The following ZNF609 variants were observed in gnomAD, a reference collection of about 807,000 sequenced individuals.
The protein encoded by ZNF609 is zinc finger protein 609.
Under a neutral mutation model 109.5 loss-of-function variants are expected in ZNF609, and 11 were observed. The observed-to-expected ratio is 0.10, with a 90% CI of 0.06 to 0.17. The LOEUF (loss-of-function observed/expected upper bound fraction) is 0.17. Among genes scored for constraint, ZNF609 ranks in the 10% least tolerant of loss-of-function variants. The pLI, the probability that ZNF609 is intolerant of heterozygous loss-of-function variation, is 1.00. For synonymous variants in ZNF609, 646 were observed against 662.0 expected (o/e 0.98, Z 0.37); for missense variants, 1,559 against 1,772.4 (o/e 0.88, Z 2.16).
chr15:64,674,206 A>G lies in ZNF609; in HGVS notation c.1352A>G (p.Asn451Ser). Residue 451 changes from asparagine (N) to serine (S), a missense_variant, in exon 5 of 10, where the codon AAT becomes AGT. This residue lies in a region of ZNF609 where 1,204 missense variants were observed against 1,314.1 expected (regional missense o/e 0.92). Coordinates refer to ENST00000326648, the MANE Select transcript of ZNF609 (RefSeq NM_015042.2). ...AAACCCCTTTCAGACATGGAGCTGA[A>G]TTCTAGCTCAGAGGACTCCAAAGGG... ...KNKPLSDMEL[N>S]SSSEDSKGSK... The G allele has an allele frequency of 6.2e-7, 1 of 1,614,204 alleles. No individual in the cohort carries two copies. The highest frequency in any genetic ancestry group is 8.5e-7 in the Non-Finnish European group (1 of 1,180,038).
chr15:64,648,257 A>G (rs1444436987), intron 3 of ZNF609, among the ~76,000 whole-genome samples: 1 of 152,218 alleles, frequency 6.6e-6, no homozygotes, highest in Non-Finnish European at 1.5e-5. Flanking sequence ...GAGGCCAGAC[A>G]GGAGGATCGC....
chr15:64,482,281 G>A (rs977468153), intron 1 of ZNF609, among the ~76,000 whole-genome samples: 7 of 152,076 alleles, frequency 4.6e-5, no homozygotes, highest in Non-Finnish European at 2.9e-5. Context: ...TTTCTGATTG[G>A]AACGTGAATA....
chr15:64,607,895 C>CTTT (rs71133457), intron 2 of ZNF609, among the ~76,000 whole-genome samples: 12 of 12,260 alleles, frequency 9.8e-4, no homozygotes, highest in Non-Finnish European at 1.8e-3. Flanking sequence ...TCTTTTCTTT[C>CTTT]TTTTTTTTTT....
In ZNF609 at chr15:64,674,507, A is replaced by C. The variant is rs765653246; in HGVS notation, c.1653A>C (p.Ala551=). The C allele has an allele frequency of 6.2e-7, 1 of 1,614,020 alleles. No homozygotes were observed. Among genetic ancestry groups the C allele is most frequent in the Non-Finnish European group, 8.5e-7 (1 of 1,180,022 alleles). The part of the protein sequence containing the change: ...LHADLGSCNG[A]SVSQKGSLSP... ...CAGATCTTGGGAGCTGCAACGGTGC[A>C]TCTGTCTCACAAAAAGGTTCCTTGT... The change falls in exon 5 of 10, where the codon GCA becomes GCC. Residue 551 remains alanine, a synonymous_variant. Coordinates refer to ENST00000326648, the MANE Select transcript of ZNF609 (RefSeq NM_015042.2).
intron 2 of ZNF609, among the ~76,000 whole-genome samples, chr15:64,505,635 T>C (rs1477149573): frequency 6.6e-6 from 1 of 152,134 alleles, no homozygotes. Context: ...CACCAGAGTA[T>C]CAAAAATGCA....
intron 2 of ZNF609, among the ~76,000 whole-genome samples, chr15:64,612,914 C>T (rs1458993797): frequency 2.0e-5 from 3 of 152,070 alleles, no homozygotes; most frequent in Non-Finnish European, 2.9e-5. Flanking sequence ...ACCCAGGAGG[C>T]TGAGGCAGGA....
Position 64,674,776 on chromosome 15 carries a change from C to T in ZNF609, c.1922C>T (p.Ser641Phe), listed in dbSNP as rs764021541. ...CMEKEKCKKP[S>F]SLKPEKIPSK... ...GAAAAAGAAAAATGTAAAAAACCCT[C>T]TAGTTTAAAACCTGAAAAGATTCCT... Residue 641 changes from serine (S) to phenylalanine (F), a missense_variant, in exon 5 of 10, where the codon TCT becomes TTT. Coordinates refer to ENST00000326648, the MANE Select transcript of ZNF609 (RefSeq NM_015042.2). 5 of 1,613,894 alleles carry T rather than the reference C, an allele frequency of 3.1e-6. No homozygotes were observed. In the African/African-American group the frequency reaches 4.0e-5, roughly 13 times the overall value.
At chr15:64,656,478 CTGACACA>C (rs1451895434) in intron 3 of ZNF609, among the ~76,000 whole-genome samples, 1 of 152,194 alleles carries the variant, frequency 6.6e-6, no homozygotes, top group East Asian at 1.9e-4. Flanking sequence ...TTCCTACTCT[CTGACACA>C]TGCCTCAGTT....
intron 3 of ZNF609, among the ~76,000 whole-genome samples, chr15:64,640,820 T>C (rs1412646501): frequency 6.6e-6 from 1 of 152,194 alleles, no homozygotes; most frequent in African/African-American, 2.4e-5. Flanking sequence ...AGGAAGGATA[T>C]ACGATTTAAG....
intron 2 of ZNF609, among the ~76,000 whole-genome samples, chr15:64,597,201 A>C (rs1895411121): frequency 1.3e-5 from 2 of 152,082 alleles, no homozygotes; most frequent in South Asian, 4.2e-4. Flanking sequence ...CTAGAATGAG[A>C]GGGACTTTGA....
rs57690590 is a variant in ZNF609, at chr15:64,580,955, C to CTTTTTT, written c.748-41849_748-41844dup. ...TCTGTTTTCTAGTCTTCAATGTCTT[C>CTTTTTT]TTTTTTTTTTTTTTTTTTTTTTTTT... On this transcript the variant is annotated intron_variant, in intron 2 of 9. Transcript: ENST00000326648. Among the ~76,000 whole-genome samples the CTTTTTT allele has an allele frequency of 6.6e-4, 39 of 58,744 alleles. 4 individuals are homozygous for CTTTTTT. Among genetic ancestry groups the CTTTTTT allele is most frequent in the African/African-American group, 2.8e-3 (36 of 12,806 alleles). 38.5% of individuals were successfully genotyped at this position (58,744 alleles called of 152,430 possible).
At chr15:64,483,194 C>T (rs1893280647) in intron 1 of ZNF609, among the ~76,000 whole-genome samples, 1 of 151,966 alleles carries the variant, frequency 6.6e-6, no homozygotes, top group Admixed American at 6.6e-5. Flanking sequence ...CTTCCGGGTT[C>T]AAGTGATTCT....
intron 3 of ZNF609, among the ~76,000 whole-genome samples, chr15:64,639,139 G>A (rs1001549307): frequency 1.3e-5 from 2 of 152,116 alleles, no homozygotes; most frequent in African/African-American, 4.8e-5. Context: ...CTTGCCTATT[G>A]TAAAAAATGC....
chr15:64,473,510 T>C (rs542253553), intron 1 of ZNF609, among the ~76,000 whole-genome samples: 46 of 152,054 alleles, frequency 3.0e-4, no homozygotes, highest in African/African-American at 9.4e-4. Flanking sequence ...TATTTGGTTC[T>C]TTTTTTCGTC....
chr15:64,621,723 G>T (rs1895878974), intron 2 of ZNF609, among the ~76,000 whole-genome samples: 2 of 150,826 alleles, frequency 1.3e-5, no homozygotes, highest in African/African-American at 4.9e-5. Context: ...TTACATTCTT[G>T]TGAGAGGTTC....
intron 1 of ZNF609, among the ~76,000 whole-genome samples, chr15:64,475,547 C>A (rs1339593996): frequency 2.0e-5 from 3 of 151,950 alleles, no homozygotes; most frequent in African/African-American, 4.8e-5. Flanking sequence ...CGCCACCGCG[C>A]CTGGCTAATT....
intron 5 of ZNF609, among the ~76,000 whole-genome samples, chr15:64,676,900 C>T (rs1027669086): frequency 8.6e-5 from 13 of 151,858 alleles, no homozygotes; most frequent in African/African-American, 3.1e-4. Flanking sequence ...ATTACAGGTG[C>T]ACGCCACCAC....
intron 3 of ZNF609, among the ~76,000 whole-genome samples, chr15:64,634,363 G>C (rs1281176653): frequency 6.6e-6 from 1 of 152,130 alleles, no homozygotes; most frequent in East Asian, 1.9e-4. Flanking sequence ...CTGAGAACCT[G>C]CCCCAGCTAT....
At chr15:64,547,574 A>G (rs541444153) in intron 2 of ZNF609, among the ~76,000 whole-genome samples, 1 of 152,298 alleles carries the variant, frequency 6.6e-6, no homozygotes, top group African/African-American at 2.4e-5. Context: ...TCTGGCTCAT[A>G]AGAAGTACTT....
Sources: allele counts gnomAD v4.1 joint callset (sites outside exome capture counted in the v4.1 genomes callset), GRCh38; gene constraint gnomAD v4.1.1; regional missense constraint gnomAD v4.1.1; transcripts MANE v1.5; gene names NCBI Gene and HGNC (gene_info 2026-07-23, HGNC 2026-07-21).